PTCHD4: variants seen among roughly 807,000 people sequenced by gnomAD.
The protein encoded by PTCHD4 is patched domain containing 4.
PTCHD4 carries 33 observed loss-of-function variants against 58.1 expected under a neutral mutation model. That is an observed-to-expected ratio of 0.57 (90% CI 0.43 to 0.76). PTCHD4 has a LOEUF of 0.76. Among genes scored for constraint, PTCHD4 ranks in the 30% least tolerant of loss-of-function variants. The probability of loss-of-function intolerance (pLI) is 0.00; values close to 1 mark genes in which losing one functional copy is unlikely to be tolerated. For synonymous variants in PTCHD4, 478 were observed against 409.6 expected, an observed-to-expected ratio of 1.17 and a Z score of -2.02; for missense variants, 1,058 against 1,027.1, an observed-to-expected ratio of 1.03 and a Z score of -0.41.
chr6:48,098,346 T>TC (rs1221429656), intron 1 of PTCHD4, among the ~76,000 whole-genome samples: 16 of 149,726 alleles, frequency 1.1e-4, no homozygotes, highest in Admixed American at 4.0e-4. Context: ...CTTCTTCTTT[T>TC]TTTTTTTTTT....
At chr6:48,048,010 C>A (rs1764098159) in intron 3 of PTCHD4, among the ~76,000 whole-genome samples, 4 of 103,276 alleles carry the variant, frequency 3.9e-5, no homozygotes, top group African/African-American at 4.1e-5. Context: ...ATAAAATAAG[C>A]ATTCTAGTAA....
chr6:48,095,905 T>C (rs954654662), intron 1 of PTCHD4, among the ~76,000 whole-genome samples: 2 of 152,024 alleles, frequency 1.3e-5, no homozygotes, highest in Admixed American at 6.5e-5. Context: ...CATATTATCA[T>C]CTAAATAATG....
intron 1 of PTCHD4, among the ~76,000 whole-genome samples, chr6:48,098,891 C>T (rs1460913491): frequency 6.6e-6 from 1 of 151,716 alleles, no homozygotes; most frequent in Non-Finnish European, 1.5e-5. Flanking sequence ...AAGTATTATA[C>T]CAAAAAAGGG....
At chr6:47,905,790 A>T (rs1308938377) in intron 4 of PTCHD4, among the ~76,000 whole-genome samples, 5 of 152,194 alleles carry the variant, frequency 3.3e-5, no homozygotes, top group Admixed American at 6.5e-5. Context: ...CAAACACAGT[A>T]ATTTCTGTAA....
chr6:47,912,796 A>G (rs917387974), intron 4 of PTCHD4, among the ~76,000 whole-genome samples: 3 of 152,150 alleles, frequency 2.0e-5, no homozygotes, highest in African/African-American at 7.2e-5. Context: ...TTGTTCCAAG[A>G]GCAGCACAGA....
chr6:47,925,001 A>T (rs1054430094), intron 4 of PTCHD4, among the ~76,000 whole-genome samples: 1 of 149,452 alleles, frequency 6.7e-6, no homozygotes, highest in African/African-American at 2.4e-5. Flanking sequence ...ATATGCTTTT[A>T]ATATATATGT....
At chr6:47,946,890 G>T (rs1410790830) in intron 4 of PTCHD4, among the ~76,000 whole-genome samples, 1 of 151,900 alleles carries the variant, frequency 6.6e-6, no homozygotes, top group African/African-American at 2.4e-5. Context: ...GTCACCTAGG[G>T]TAGAGTGCAG....
rs537368080 is a variant in PTCHD4 at position 47,877,266 on chromosome 6, C to G, written c.*1037G>C. ...TTATTTTCCCTATCTAAAATAAGAA[C>G]GGTGTAACTATGGAGTACCCCAACT... On this transcript the variant is annotated 3_prime_UTR_variant, in exon 5 of 5. Transcript: ENST00000339488. 6.6e-6 allele frequency among the ~76,000 whole-genome samples: 1 copy of G among 152,038 alleles called. No individual in the cohort carries two copies. The highest frequency in any genetic ancestry group is 1.9e-4 in the East Asian group (1 of 5,134).
intron 4 of PTCHD4, among the ~76,000 whole-genome samples, chr6:47,995,295 A>G (rs1319064825): frequency 2.6e-5 from 4 of 152,216 alleles, no homozygotes; most frequent in African/African-American, 9.6e-5. Flanking sequence ...TTACATACAC[A>G]GAAGTTTCCA....
intron 4 of PTCHD4, among the ~76,000 whole-genome samples, chr6:47,894,913 T>A (rs890986464): frequency 3.3e-5 from 5 of 151,990 alleles, no homozygotes; most frequent in African/African-American, 1.2e-4. Context: ...AGGTGGATCA[T>A]CTGAGGTCAG....
At chr6:47,953,739 AT>A (rs1766742791) in intron 4 of PTCHD4, among the ~76,000 whole-genome samples, 1 of 152,224 alleles carries the variant, frequency 6.6e-6, no homozygotes, top group Non-Finnish European at 1.5e-5. Flanking sequence ...GGACTATGAA[AT>A]AATTTCCCAG....
chr6:47,881,971 C>A (rs1764032275), intron 4 of PTCHD4, among the ~76,000 whole-genome samples: 1 of 152,016 alleles, frequency 6.6e-6, no homozygotes, highest in Non-Finnish European at 1.5e-5. Flanking sequence ...TTCCTTCTTG[C>A]ATTTTATCAG....
intron 4 of PTCHD4, among the ~76,000 whole-genome samples, chr6:47,966,278 A>T (rs1445753085): frequency 6.6e-6 from 1 of 152,212 alleles, no homozygotes; most frequent in Non-Finnish European, 1.5e-5. Flanking sequence ...GCATATAAAA[A>T]TATGTTTGCA....
chr6:48,033,228 G>A (rs1246819795), intron 3 of PTCHD4, among the ~76,000 whole-genome samples: 1 of 152,052 alleles, frequency 6.6e-6, no homozygotes, highest in Non-Finnish European at 1.5e-5. Flanking sequence ...CCTGAACTGT[G>A]TGGAGCCGGA....
chr6:47,882,941 T>C (rs1238182993), intron 4 of PTCHD4, among the ~76,000 whole-genome samples: 2 of 151,518 alleles, frequency 1.3e-5, no homozygotes, highest in Admixed American at 6.6e-5. Context: ...GGTAAAGTGA[T>C]AGATGCCCAA....
chr6:47,963,529 C>T (rs1224531508), intron 4 of PTCHD4, among the ~76,000 whole-genome samples: 1 of 152,130 alleles, frequency 6.6e-6, no homozygotes, highest in Non-Finnish European at 1.5e-5. Flanking sequence ...GAGATATCTG[C>T]ACTCCCATGT....
At chr6:47,964,564 A>G (rs1202424730) in intron 4 of PTCHD4, among the ~76,000 whole-genome samples, 5 of 152,172 alleles carry the variant, frequency 3.3e-5, no homozygotes, top group Non-Finnish European at 5.9e-5. Flanking sequence ...ATTAAATGAC[A>G]CTACTTGGAA....
intron 3 of PTCHD4, among the ~76,000 whole-genome samples, chr6:48,062,703 T>C (rs995430689): frequency 2.0e-5 from 3 of 152,118 alleles, no homozygotes; most frequent in African/African-American, 4.8e-5. Context: ...AATAATTCAG[T>C]TGGGTGCTAT....
intron 4 of PTCHD4, among the ~76,000 whole-genome samples, chr6:47,916,650 T>TACACACACACAC (rs147208530): frequency 0.046 from 6,955 of 150,768 alleles, 201 homozygotes; most frequent in African/African-American, 0.059. Context: ...GACACACACA[T>TACACACACACAC]ACACACACAC....
Sources: allele counts gnomAD v4.1 joint callset (sites outside exome capture counted in the v4.1 genomes callset), GRCh38; gene constraint gnomAD v4.1.1; transcripts MANE v1.5; gene names NCBI Gene and HGNC (gene_info 2026-07-23, HGNC 2026-07-21).